The following PLK2 variants were observed in gnomAD, a reference collection of about 807,000 sequenced individuals.
PLK2 encodes the protein polo like kinase 2.
Under a neutral mutation model 78.1 loss-of-function variants are expected in PLK2, and 25 were observed. The ratio of observed to expected loss-of-function variants is 0.32; its 90% confidence interval spans 0.23 to 0.45. The LOEUF is 0.45. Ranked by LOEUF, PLK2 falls within the 20% of genes least tolerant of loss-of-function variation. The pLI, the probability that PLK2 is intolerant of heterozygous loss-of-function variation, is 1.00. For missense variants in PLK2, 566 were observed against 840.2 expected (o/e 0.67, Z 4.04); for synonymous variants, 332 against 298.2 (o/e 1.11, Z -1.17).
chr5:58,455,023 TG>T lies in PLK2; in HGVS notation c.1756-3del. On this transcript the variant is annotated splice_region_variant and splice_polypyrimidine_tract_variant and intron_variant, in intron 12 of 13. Coordinates refer to ENST00000274289, the MANE Select transcript of PLK2 (RefSeq NM_006622.4). ...AGTAACACTAGGCAGATCTCCACCCTGGAAGAGATTAGGAGAGTGAGTTAGT... is the reference window on the plus strand; with the variant it reads ...AGTAACACTAGGCAGATCTCCACCCTGAAGAGATTAGGAGAGTGAGTTAGT... 1 of 1,559,630 alleles carries T rather than the reference TG, an allele frequency of 6.4e-7. No homozygotes were observed. The highest frequency in any genetic ancestry group is 8.8e-7 in the Non-Finnish European group (1 of 1,130,536).
At chr5:58,457,845 C>A in intron 5 of PLK2, 1 of 589,962 alleles carries the variant, frequency 1.7e-6, no homozygotes, top group Non-Finnish European at 3.0e-6. Context: ...CCAGGGACGT[C>A]GTGGCATTTT....
rs562383462 is a variant in PLK2 at position 58,459,052 on chromosome 5, T to C, written c.311A>G (p.Asn104Ser). The change falls in exon 2 of 14, where the codon AAT (asparagine) becomes AGT (serine). Residue 104 changes from asparagine to serine, a missense_variant. Transcript: ENST00000274289. ...AKCYEMTDLT[N>S]NKVYAAKIIP... The stretch of plus-strand genomic sequence containing the variant: ...AATTTTTGCGGCGTAGACTTTGTTA[T>C]TTGTCAAATCTGTCATCTCGTAACA... The C allele has an allele frequency of 6.2e-7, 1 of 1,613,114 alleles. No individual in the cohort carries two copies.
chr5:58,455,906 C>A, intron 10 of PLK2, 120 bp downstream of exon 10: 2 of 1,471,560 alleles, frequency 1.4e-6, no homozygotes, highest in South Asian at 2.6e-5. Flanking sequence ...TTTTCCAATT[C>A]CTGTAATCTT....
chr5:58,459,945 C>G lies in PLK2; in HGVS notation c.15G>C (p.Arg5=), dbSNP rs1258159717. MELL[R]TITYQPAAST... is the part of the protein sequence containing the mutation. ...TGGCGGCTGGCTGGTAGGTGATAGT[C>G]CGCAAAAGCTCCATGGTCGCCTTGC... Residue 5 remains arginine, a synonymous_variant, in exon 1 of 14, where the codon CGG becomes CGC. Coordinates refer to ENST00000274289, the MANE Select transcript of PLK2 (RefSeq NM_006622.4). The G allele has an allele frequency of 1.2e-6, 2 of 1,605,484 alleles. No individual in the cohort carries two copies. Among genetic ancestry groups the G allele is most frequent in the Admixed American group, 1.7e-5 (1 of 59,748 alleles).
chr5:58,456,595 T>C lies in PLK2; in HGVS notation c.1157-6A>G. 6.7e-7 allele frequency: 1 copy of C among 1,492,528 alleles called. No individual in the cohort carries two copies. The highest frequency in any genetic ancestry group is 9.3e-7 in the Non-Finnish European group (1 of 1,073,504). The allele number at this position is 1,492,528 out of a possible 1,614,324, so 92.5% of individuals were successfully genotyped here. On this transcript the variant is annotated splice_polypyrimidine_tract_variant and splice_region_variant and intron_variant, in intron 8 of 13. Transcript: ENST00000274289. ...ATCTTCTTTAGACACTCTATCTGTA[T>C]ATCAAGAAACAGAATTACAAACATT...
At chr5:58,454,883 C>A (rs373600692) in intron 13 of PLK2, 28 bp downstream of exon 13, 2 of 1,506,520 alleles carry the variant, frequency 1.3e-6, no homozygotes, top group African/African-American at 2.7e-5. Flanking sequence ...AGGACCTAAA[C>A]GTGCACTTTC....
intron 8 of PLK2, 48 bp from the exon 9 acceptor site, chr5:58,456,637 G>A: frequency 4.3e-6 from 5 of 1,163,650 alleles, no homozygotes; most frequent in Non-Finnish European, 5.1e-6. Flanking sequence ...TCTTAACAAG[G>A]TAGGAACAGG....
rs1743638495 is a variant in PLK2 at position 58,457,372 on chromosome 5, T to C, written c.817A>G (p.Met273Val). 2 of 1,611,144 alleles carry C rather than the reference T, an allele frequency of 1.2e-6. No individual in the cohort carries two copies. The highest frequency in any genetic ancestry group is 1.7e-6 in the Non-Finnish European group (2 of 1,177,214). The change falls in exon 7 of 14, where the codon ATG becomes GTG. Residue 273 changes from methionine (M) to valine (V), a missense_variant. Transcript: ENST00000274289. ...TCAAATGGGGGCCTCCCTAGTAACA[T>C]TGTATACCTGTGTGCAAAGAAACAC... is the stretch of plus-strand genomic sequence containing the variant. ...IWALGCVMYT[M>V]LLGRPPFETT...
At chr5:58,459,410 G>A (rs1743695585) in intron 1 of PLK2, 1 of 568,980 alleles carries the variant, frequency 1.8e-6, no homozygotes, top group Non-Finnish European at 3.1e-6. Flanking sequence ...GCAGATAGAG[G>A]GAGAGAGGTC....
At position 58,459,721 on chromosome 5, in the gene PLK2, T is replaced by G; in HGVS notation, c.239A>C (p.Lys80Thr). ...CAGCACTTTGCCCCGGCAGTAGCGC[T>G]TCCCAGTCGTGGGGTCGACGATAAT... ...SRIIVDPTTG[K>T]RYCRGKVLGK... Residue 80 changes from lysine (K) to threonine (T), a missense_variant, in exon 1 of 14, where the codon AAG becomes ACG. This residue lies in a region of PLK2 where 127 missense variants were observed against 122.5 expected (regional missense o/e 1.04). Coordinates refer to ENST00000274289, the MANE Select transcript of PLK2 (RefSeq NM_006622.4). The G allele has an allele frequency of 6.2e-7, 1 of 1,601,030 alleles. No homozygotes were observed. The highest frequency in any genetic ancestry group is 1.1e-5 in the South Asian group (1 of 90,752).
At position 58,454,557 on chromosome 5, in the gene PLK2, C is replaced by A. The variant is rs1368076220; in HGVS notation, c.*26G>T. The A allele has an allele frequency of 2.0e-6, 3 of 1,504,224 alleles. No individual in the cohort carries two copies. The highest frequency in any genetic ancestry group is 3.5e-5 in the Admixed American group (2 of 57,656). The allele number at this position is 1,504,224 out of a possible 1,614,324, so 93.2% of individuals were successfully genotyped here. A position where few individuals can be genotyped will look rare whatever the true frequency, so the allele number is the denominator to read the frequency against. The stretch of plus-strand genomic sequence containing the variant: ...AGATCTCACAGTGGAAAAGAGGAGT[C>A]CCATAGGGTCCATTCGAAAAGTCTT... On this transcript the variant is annotated 3_prime_UTR_variant, in exon 14 of 14. Transcript: ENST00000274289.
chr5:58,459,962 T>C lies in PLK2; in HGVS notation c.-3A>G. ...GTGATAGTCCGCAAAAGCTCCATGGTCGCCTTGCCGCCCCGCACTGCCCGC... is the reference window on the plus strand; with the variant it reads ...GTGATAGTCCGCAAAAGCTCCATGGCCGCCTTGCCGCCCCGCACTGCCCGC... On this transcript the variant is annotated 5_prime_UTR_variant, in exon 1 of 14. Coordinates refer to ENST00000274289, the MANE Select transcript of PLK2 (RefSeq NM_006622.4). The C allele has an allele frequency of 6.3e-7, 1 of 1,592,594 alleles. No individual in the cohort carries two copies. The highest frequency in any genetic ancestry group is 8.6e-7 in the Non-Finnish European group (1 of 1,168,906).
chr5:58,458,250 C>T, intron 4 of PLK2, 79 bp from the exon 5 acceptor site: 1 of 1,306,002 alleles, frequency 7.7e-7, no homozygotes, highest in Non-Finnish European at 1.1e-6. Context: ...ACTTTGGAGC[C>T]AGGCAGCCAA....
chr5:58,457,219 T>C lies in PLK2; in HGVS notation c.970A>G (p.Ser324Gly). 2 of 1,614,062 alleles carry C rather than the reference T, an allele frequency of 1.2e-6. No individual in the cohort carries two copies. Among genetic ancestry groups the C allele is most frequent in the Non-Finnish European group, 1.7e-6 (2 of 1,180,004 alleles). The change falls in exon 7 of 14, where the codon AGT becomes GGT. Residue 324 changes from serine to glycine, a missense_variant. Ser to Gly is a moderately conservative substitution (Grantham distance 56). Around this residue, in one of 5 missense-constraint regions of PLK2, gnomAD observed 179 missense variants for 342.3 expected, o/e 0.52. Coordinates refer to ENST00000274289, the MANE Select transcript of PLK2 (RefSeq NM_006622.4). ...MLSKNPEDRP[S>G]LDDIIRHDFF... ...TCATGTCGAATGATGTCATCCAAAC[T>C]GGGACGATCCTCTGGGTTTTTGGAC...
In PLK2 at chr5:58,455,348, T is replaced by C; in HGVS notation, c.1692A>G (p.Gln564=). 1 of 1,613,872 alleles carries C rather than the reference T, an allele frequency of 6.2e-7. No homozygotes were observed. The highest frequency in any genetic ancestry group is 8.5e-7 in the Non-Finnish European group (1 of 1,179,778). Residue 564 remains glutamine (Q), a synonymous_variant, in exon 12 of 14, where the codon CAA becomes CAG. Coordinates refer to ENST00000274289, the MANE Select transcript of PLK2 (RefSeq NM_006622.4). ...SVFPATDAPE[Q]FISQVTVLKY... The stretch of plus-strand genomic sequence containing the variant: ...TCAGCACCGTCACTTGACTAATAAA[T>C]TGCTCAGGAGCATCTGTTGCTGGGA...
rs566931588 is a variant in PLK2 at position 58,456,646 on chromosome 5, G to A, written c.1157-57C>T. On this transcript the variant is annotated intron_variant, in intron 8 of 13. Coordinates refer to ENST00000274289, the MANE Select transcript of PLK2 (RefSeq NM_006622.4). ...AGTCTATCTTAACAAGGTAGGAACA[G>A]GGTTAGTCATATTTTCTCCTTCTTG... The A allele has an allele frequency of 1.1e-4, 125 of 1,097,032 alleles. 1 individual carries two copies. The South Asian group carries it at 1.6e-3, about 14-fold the overall frequency. 68.0% of individuals were successfully genotyped at this position (1,097,032 alleles called of 1,614,324 possible).
At chr5:58,455,810 A>G (rs1743585000) in intron 10 of PLK2, 31 bp from the exon 11 acceptor site, 2 of 1,607,874 alleles carry the variant, frequency 1.2e-6, no homozygotes, top group South Asian at 1.1e-5. Flanking sequence ...GTTTCAAGTT[A>G]TACAATATTT....
At chr5:58,455,816 T>C (rs746720741) in intron 10 of PLK2, 37 bp from the exon 11 acceptor site, 2 of 1,605,728 alleles carry the variant, frequency 1.2e-6, no homozygotes, top group Admixed American at 3.3e-5. Flanking sequence ...AGTTATACAA[T>C]ATTTTAGCAA....
In PLK2 at chr5:58,457,398, ATCTT is replaced by A; in HGVS notation, c.810-23_810-20del. Reference sequence around the variant, plus strand: ...TGTATACCTGTGTGCAAAGAAACACATCTTTAGCAATGGTCATAAAGCAACTCTT... The same window carrying A: ...TGTATACCTGTGTGCAAAGAAACACATAGCAATGGTCATAAAGCAACTCTT... On this transcript the variant is annotated intron_variant, in intron 6 of 13. Transcript: ENST00000274289. 1 of 1,592,668 alleles carries A rather than the reference ATCTT, an allele frequency of 6.3e-7. No individual in the cohort carries two copies. The highest frequency in any genetic ancestry group is 1.1e-5 in the South Asian group (1 of 90,660).
Sources: gnomAD v4.1 joint callset for allele counts on GRCh38, gnomAD v4.1.1 for gene constraint, gnomAD v4.1.1 regional missense constraint, MANE v1.5 for transcripts, NCBI Gene and HGNC (gene_info 2026-07-23, HGNC 2026-07-21) for gene names.